Variants in NAV2 observed in about 807,000 individuals in gnomAD.
The protein encoded by NAV2 is neuron navigator 2.
NAV2 carries 54 observed loss-of-function variants against 223.2 expected under a neutral mutation model. That is an observed-to-expected ratio of 0.24 (90% CI 0.19 to 0.30). The LOEUF (loss-of-function observed/expected upper bound fraction) is 0.30, where lower values mean the gene tolerates loss of function less well. Among genes scored for constraint, NAV2 ranks in the 10% least tolerant of loss-of-function variants. The pLI is 1.00. For synonymous variants in NAV2, 1,279 were observed against 1,239.3 expected, an observed-to-expected ratio of 1.03 and a Z score of -0.67; for missense variants, 2,806 against 3,147.5, an observed-to-expected ratio of 0.89 and a Z score of 2.60.
Position 19,471,955 on chromosome 11 carries a change from T to C in NAV2, c.75+120928T>C, listed in dbSNP as rs1405676230. On this transcript the variant is annotated intron_variant, in intron 1 of 37. Transcript: ENST00000360655. The stretch of plus-strand genomic sequence containing the variant: ...CTGCCAGAGTCCCCAAAACTTCAGA[T>C]CTGTTGAAATAAGAAACAGATCAAG... Among the ~76,000 whole-genome samples the C allele has an allele frequency of 2.6e-5, 4 of 152,220 alleles. No individual in the cohort carries two copies. In the East Asian group the frequency reaches 5.8e-4, roughly 22 times the overall value.
chr11:19,347,853 A>G (rs1428563842), upstream of NAV2, among the ~76,000 whole-genome samples: 1 of 152,202 alleles, frequency 6.6e-6, no homozygotes, highest in Non-Finnish European at 1.5e-5. Context: ...GGCAGTAGGA[A>G]ACCAGAGCTT....
intron 27 of NAV2, among the ~76,000 whole-genome samples, chr11:20,091,293 C>T (rs986495985): frequency 5.3e-5 from 8 of 152,166 alleles, no homozygotes; most frequent in Admixed American, 4.6e-4. Context: ...CCTTCAAGGC[C>T]TTCTGCAGGG....
intron 10 of NAV2, among the ~76,000 whole-genome samples, chr11:19,956,519 A>G (rs2625307): frequency 0.91 from 137,782 of 151,838 alleles, 62,606 homozygotes; most frequent in East Asian, 0.98. Context: ...TACATTCAGA[A>G]ATTTGCTAGA....
intron 1 of NAV2, among the ~76,000 whole-genome samples, chr11:19,464,036 C>A (rs1485953599): frequency 6.6e-6 from 1 of 152,160 alleles, no homozygotes; most frequent in Non-Finnish European, 1.5e-5. Flanking sequence ...GTGTGAAAAT[C>A]CTCGAATTCA....
At chr11:19,835,938 C>T (rs7931177) in intron 2 of NAV2, among the ~76,000 whole-genome samples, 11,358 of 152,100 alleles carry the variant, frequency 0.075, 615 homozygotes, top group Non-Finnish European at 0.12. Flanking sequence ...CCTAGCTCCC[C>T]GACACAGAAC....
intron 1 of NAV2, among the ~76,000 whole-genome samples, chr11:19,379,694 A>G (rs779527678): frequency 1.5e-4 from 23 of 152,238 alleles, no homozygotes; most frequent in Non-Finnish European, 2.8e-4. Flanking sequence ...AGAGCTTCAC[A>G]TGGACTTCTT....
At chr11:19,485,472 G>C (rs879301095) in intron 1 of NAV2, among the ~76,000 whole-genome samples, 1 of 152,096 alleles carries the variant, frequency 6.6e-6, no homozygotes. Context: ...GCTTGACTGA[G>C]GGACATTTAA....
chr11:19,720,262 A>T (rs1346092363), intron 1 of NAV2, among the ~76,000 whole-genome samples: 3 of 152,230 alleles, frequency 2.0e-5, no homozygotes, highest in Non-Finnish European at 4.4e-5. Context: ...GGGCCATGTG[A>T]TTTTGGGAAC....
chr11:19,775,445 G>A (rs941301534), intron 1 of NAV2, among the ~76,000 whole-genome samples: 16 of 152,260 alleles, frequency 1.1e-4, no homozygotes, highest in African/African-American at 3.1e-4. Flanking sequence ...CTGCATGGAC[G>A]GACACTAGGA....
At chr11:19,971,501 G>C (rs994959050) in intron 10 of NAV2, among the ~76,000 whole-genome samples, 6 of 152,066 alleles carry the variant, frequency 3.9e-5, no homozygotes, top group Admixed American at 6.6e-5. Context: ...TCAGGGCATG[G>C]GTGGGCCCCC....
At chr11:19,593,281 C>T (rs943356116) in intron 1 of NAV2, among the ~76,000 whole-genome samples, 1 of 152,014 alleles carries the variant, frequency 6.6e-6, no homozygotes, top group African/African-American at 2.4e-5. Context: ...TTGTTTTTTT[C>T]CCACTCAGCA....
At chr11:19,762,221 C>A (rs907142346) in intron 1 of NAV2, among the ~76,000 whole-genome samples, 8 of 152,198 alleles carry the variant, frequency 5.3e-5, no homozygotes, top group Non-Finnish European at 1.0e-4. Flanking sequence ...CCAGCCTGGG[C>A]AACAGAGTGA....
chr11:19,753,526 G>A (rs2054004124), intron 1 of NAV2, among the ~76,000 whole-genome samples: 2 of 152,188 alleles, frequency 1.3e-5, no homozygotes, highest in Non-Finnish European at 2.9e-5. Context: ...TTGGGTTTAG[G>A]CTCTCTTCTC....
In NAV2 at chr11:19,977,566, C is replaced by T. The variant is rs886673671; in HGVS notation, c.2646-6559C>T. On this transcript the variant is annotated intron_variant, in intron 10 of 37. Coordinates refer to ENST00000349880, the MANE Select transcript of NAV2 (RefSeq NM_145117.5). Reference sequence around the variant, plus strand: ...GGGACAAAGGTTTTGATAAATATGCCACGTTTGCCTGAACATTTATGCCTA... The same window carrying T: ...GGGACAAAGGTTTTGATAAATATGCTACGTTTGCCTGAACATTTATGCCTA... Among the ~76,000 whole-genome samples, 3 of 152,266 alleles carry T rather than the reference C, an allele frequency of 2.0e-5. No homozygotes were observed. In the East Asian group the frequency reaches 5.8e-4, roughly 29 times the overall value.
chr11:19,608,832 G>A (rs1590668653), intron 1 of NAV2, among the ~76,000 whole-genome samples: 1 of 152,192 alleles, frequency 6.6e-6, no homozygotes, highest in African/African-American at 2.4e-5. Context: ...TGTCAGCAGG[G>A]CTGCATTCCT....
chr11:20,031,102 A>C (rs1473550013), intron 11 of NAV2, among the ~76,000 whole-genome samples: 1 of 152,198 alleles, frequency 6.6e-6, no homozygotes, highest in Non-Finnish European at 1.5e-5. Flanking sequence ...GGACCAGGAC[A>C]CAGGAATGGT....
chr11:19,549,864 C>T (rs2044632331), intron 1 of NAV2, among the ~76,000 whole-genome samples: 1 of 152,230 alleles, frequency 6.6e-6, no homozygotes, highest in African/African-American at 2.4e-5. Flanking sequence ...TGGTAAGAAT[C>T]TGCTTTTTCC....
intron 1 of NAV2, among the ~76,000 whole-genome samples, chr11:19,637,649 C>T (rs2047543404): frequency 6.6e-6 from 1 of 152,236 alleles, no homozygotes; most frequent in African/African-American, 2.4e-5. Flanking sequence ...GGAGAGCAGG[C>T]ATCTCATGTG....
intron 30 of NAV2, among the ~76,000 whole-genome samples, chr11:20,097,150 C>T (rs1393826671): frequency 6.6e-6 from 1 of 152,176 alleles, no homozygotes; most frequent in African/African-American, 2.4e-5. Flanking sequence ...GCATTTTAAT[C>T]TCTTTGTATG....
Sources: gnomAD v4.1 joint callset for allele counts (sites outside exome capture counted in the v4.1 genomes callset) on GRCh38, gnomAD v4.1.1 for gene constraint, MANE v1.5 for transcripts, NCBI Gene and HGNC (gene_info 2026-07-23, HGNC 2026-07-21) for gene names.